Variants in CLASP1 observed in about 807,000 individuals in gnomAD.
CLASP1 encodes cytoplasmic linker associated protein 1.
Under a neutral mutation model 192.3 loss-of-function variants are expected in CLASP1, and 38 were observed. The ratio of observed to expected loss-of-function variants is 0.20; its 90% CI spans 0.15 to 0.26. CLASP1 has a LOEUF of 0.26. Among genes scored for constraint, CLASP1 ranks in the 10% least tolerant of loss-of-function variants. CLASP1 has a pLI of 1.00. For missense variants in CLASP1, 1,433 were observed against 1,932.5 expected (o/e 0.74, Z 4.85); for synonymous variants, 691 against 712.8 (o/e 0.97, Z 0.49).
intron 2 of CLASP1, among the ~76,000 whole-genome samples, chr2:121,543,836 G>T (rs779284884): frequency 4.6e-5 from 7 of 151,968 alleles, no homozygotes; most frequent in Non-Finnish European, 1.0e-4. Flanking sequence ...GCACTCACTT[G>T]CCCAGAGACA....
At chr2:121,611,206 G>A (rs111207640) in intron 1 of CLASP1, among the ~76,000 whole-genome samples, 1 of 102,744 alleles carries the variant, frequency 9.7e-6, no homozygotes. Flanking sequence ...GGAGGAGGAG[G>A]TGGAGGAGTT....
intron 6 of CLASP1, among the ~76,000 whole-genome samples, chr2:121,518,474 G>T (rs745574672): frequency 6.6e-6 from 1 of 152,098 alleles, no homozygotes; most frequent in African/African-American, 2.4e-5. Flanking sequence ...TAACTCACTC[G>T]GTCTACAGCA....
chr2:121,530,905 TA>T, intron 2 of CLASP1: 1 of 697,710 alleles, frequency 1.4e-6, no homozygotes, highest in South Asian at 1.5e-5. Flanking sequence ...GGGGTTGCGC[TA>T]CTGTCCAATG....
intron 6 of CLASP1, among the ~76,000 whole-genome samples, chr2:121,522,627 G>A (rs554128459): frequency 2.0e-5 from 3 of 152,192 alleles, no homozygotes; most frequent in South Asian, 4.1e-4. Flanking sequence ...CCATTTAAAT[G>A]TACTACTTTT....
intron 29 of CLASP1, among the ~76,000 whole-genome samples, chr2:121,398,009 A>G (rs1481221056): frequency 6.6e-6 from 1 of 152,232 alleles, no homozygotes; most frequent in Non-Finnish European, 1.5e-5. Context: ...ATTGTGAAAA[A>G]GACTAGTACT....
At chr2:121,606,586 T>A (rs1457218498) in intron 1 of CLASP1, among the ~76,000 whole-genome samples, 1 of 151,436 alleles carries the variant, frequency 6.6e-6, no homozygotes, top group Non-Finnish European at 1.5e-5. Flanking sequence ...CTCAGTCTTC[T>A]AAAAAAAAAC....
At chr2:121,503,012 C>T (rs2093811169) in intron 8 of CLASP1, among the ~76,000 whole-genome samples, 155 bp downstream of exon 8, 1 of 152,194 alleles carries the variant, frequency 6.6e-6, no homozygotes, top group African/African-American at 2.4e-5. Context: ...TGATTCACTG[C>T]ATTGTTTCTG....
At chr2:121,483,481 T>C (rs2092749791) in intron 8 of CLASP1, among the ~76,000 whole-genome samples, 1 of 151,984 alleles carries the variant, frequency 6.6e-6, no homozygotes, top group Non-Finnish European at 1.5e-5. Context: ...TATATATGTA[T>C]GTATATATAT....
intron 24 of CLASP1, chr2:121,407,938 G>A: frequency 1.5e-6 from 1 of 666,586 alleles, no homozygotes; most frequent in Non-Finnish European, 2.8e-6. Flanking sequence ...AAAGAGTATG[G>A]CCTCTAGTAA....
chr2:121,399,863 T>C (rs958006354), intron 28 of CLASP1, among the ~76,000 whole-genome samples: 5 of 152,236 alleles, frequency 3.3e-5, no homozygotes, highest in African/African-American at 1.2e-4. Flanking sequence ...AGGCCAAGTC[T>C]GGCTCACATG....
chr2:121,345,275 C>T (rs1484148287), intron 39 of CLASP1, among the ~76,000 whole-genome samples: 1 of 152,118 alleles, frequency 6.6e-6, no homozygotes, highest in Non-Finnish European at 1.5e-5. Context: ...GCGCTGGCTC[C>T]CGGTCAGGAA....
chr2:121,377,749 T>G, intron 33 of CLASP1, 100 bp from the exon 35 acceptor site: 1 of 855,458 alleles, frequency 1.2e-6, no homozygotes, highest in Non-Finnish European at 1.7e-6. Context: ...TAAGACATAT[T>G]TATAGTTTTG....
At chr2:121,384,612 A>C (rs1238004444) in intron 32 of CLASP1, among the ~76,000 whole-genome samples, 1 of 152,214 alleles carries the variant, frequency 6.6e-6, no homozygotes, top group Non-Finnish European at 1.5e-5. Flanking sequence ...TTAAAATTAG[A>C]CTTAAAACAG....
intron 1 of CLASP1, among the ~76,000 whole-genome samples, chr2:121,641,061 G>C (rs1453198057): frequency 6.6e-6 from 1 of 152,214 alleles, no homozygotes; most frequent in Non-Finnish European, 1.5e-5. Context: ...CATCAGAGAA[G>C]GAGCTGTTTT....
chr2:121,515,522 A>T (rs1352888957), intron 7 of CLASP1, 143 bp downstream of exon 7: 2 of 667,880 alleles, frequency 3.0e-6, no homozygotes, highest in African/African-American at 3.6e-5. Flanking sequence ...GATCTGGATA[A>T]AATCTCCAAC....
intron 30 of CLASP1, among the ~76,000 whole-genome samples, chr2:121,394,603 T>C (rs1484296273): frequency 6.6e-6 from 1 of 152,164 alleles, no homozygotes; most frequent in South Asian, 2.1e-4. Context: ...AAATCTTGGC[T>C]GGGCGCAGTG....
intron 20 of CLASP1, among the ~76,000 whole-genome samples, chr2:121,428,620 C>A (rs2080865731): frequency 6.6e-6 from 1 of 152,080 alleles, no homozygotes; most frequent in Non-Finnish European, 1.5e-5. Flanking sequence ...GAATGAAAAT[C>A]CAGTTTAAGT....
chr2:121,403,460 G>A (rs761120728), intron 26 of CLASP1: 4 of 456,690 alleles, frequency 8.8e-6, no homozygotes, highest in African/African-American at 2.0e-5. Flanking sequence ...CTAACTGGCT[G>A]GGCTCTCTGG....
intron 2 of CLASP1, among the ~76,000 whole-genome samples, chr2:121,569,579 G>A (rs928294869): frequency 2.6e-5 from 4 of 152,208 alleles, no homozygotes; most frequent in African/African-American, 9.7e-5. Flanking sequence ...ACGGCCGGAC[G>A]TGGTGGCTCA....
Sources: gnomAD v4.1 joint callset for allele counts (sites outside exome capture counted in the v4.1 genomes callset) on GRCh38, gnomAD v4.1.1 for gene constraint, MANE v1.5 for transcripts, NCBI Gene and HGNC (gene_info 2026-07-23, HGNC 2026-07-21) for gene names.